Variants in SNAP25 observed in about 807,000 individuals in gnomAD.
SNAP25 encodes the protein synaptosome associated protein 25.
A neutral mutation model predicts 28.7 loss-of-function variants in SNAP25; 3 were observed. That is an observed-to-expected ratio of 0.10 (90% CI 0.05 to 0.27). The LOEUF (loss-of-function observed/expected upper bound fraction) is 0.27, where lower values mean the gene tolerates loss of function less well. SNAP25 is among the 10% of genes least tolerant of loss of function. SNAP25 has a pLI of 1.00. For missense variants in SNAP25, 117 were observed against 278.7 expected (o/e 0.42, Z 4.13); for synonymous variants, 61 against 88.1 (o/e 0.69, Z 1.72).
intron 1 of SNAP25, among the ~76,000 whole-genome samples, chr20:10,226,989 A>C (rs989295939): frequency 1.3e-5 from 2 of 152,076 alleles, no homozygotes; most frequent in Non-Finnish European, 1.5e-5. Flanking sequence ...CCCAACTCCA[A>C]AACTCATGGA....
In SNAP25 at chr20:10,288,639, G is replaced by A. The variant is rs142082419; in HGVS notation, c.163+3867G>A. Among the ~76,000 whole-genome samples, 602 of 152,184 alleles carry A rather than the reference G, an allele frequency of 4.0e-3. 5 individuals are homozygous for A. The highest frequency in any genetic ancestry group is 0.014 in the African/African-American group (573 of 41,502). On this transcript the variant is annotated intron_variant, in intron 4 of 7. Transcript: ENST00000254976. Reference sequence around the variant, plus strand: ...TCTCGGCTAAGACATTTCAATTATAGCCATACCACAGTAAATGCTGAATTC... The same window carrying A: ...TCTCGGCTAAGACATTTCAATTATAACCATACCACAGTAAATGCTGAATTC...
At chr20:10,275,068 TTTAA>T (rs1161643465) in intron 1 of SNAP25, among the ~76,000 whole-genome samples, 18 of 63,482 alleles carry the variant, frequency 2.8e-4, no homozygotes, top group African/African-American at 8.5e-4. Context: ...AATAGAGCTA[TTTAA>T]ATAAATAAAT....
chr20:10,258,330 A>T (rs1410778760), intron 1 of SNAP25, among the ~76,000 whole-genome samples: 1 of 152,204 alleles, frequency 6.6e-6, no homozygotes, highest in Non-Finnish European at 1.5e-5. Flanking sequence ...TCTCTCATTA[A>T]TGAGTTAATA....
Position 10,299,374 on chromosome 20 carries a change from G to A in SNAP25, c.514G>A (p.Asp172Asn), listed in dbSNP as rs763898355. The A allele has an allele frequency of 6.2e-6, 10 of 1,613,876 alleles. No homozygotes were observed. The highest frequency in any genetic ancestry group is 3.3e-5 in the Admixed American group (2 of 59,978). The change falls in exon 7 of 8, where the codon GAT (aspartate) becomes AAT (asparagine). Residue 172 changes from aspartate (D) to asparagine (N), a missense_variant. By Grantham distance (23) the Asp-to-Asn change is conservative. Transcript: ENST00000254976. ...GGCCCTGGATATGGGCAATGAGATCGATACACAGAATCGCCAGATCGACAG... is the reference window on the plus strand; with the variant it reads ...GGCCCTGGATATGGGCAATGAGATCAATACACAGAATCGCCAGATCGACAG... ...HMALDMGNEI[D>N]TQNRQIDRIM...
At chr20:10,305,910 T>A (rs1271772515) in intron 7 of SNAP25, among the ~76,000 whole-genome samples, 1 of 151,638 alleles carries the variant, frequency 6.6e-6, no homozygotes, top group Non-Finnish European at 1.5e-5. Context: ...AAAAAATATA[T>A]TCGTTCATTA....
intron 4 of SNAP25, among the ~76,000 whole-genome samples, chr20:10,292,597 G>T (rs752227316): frequency 6.6e-6 from 1 of 152,112 alleles, no homozygotes; most frequent in Non-Finnish European, 1.5e-5. Context: ...ACTGGTGCCT[G>T]AGTAAGCGAA....
At chr20:10,267,204 T>C (rs1241231081) in intron 1 of SNAP25, among the ~76,000 whole-genome samples, 1 of 151,968 alleles carries the variant, frequency 6.6e-6, no homozygotes, top group Non-Finnish European at 1.5e-5. Flanking sequence ...ACAAAGAACA[T>C]ACTATATGAC....
chr20:10,237,756 T>C (rs1600660112), intron 1 of SNAP25, among the ~76,000 whole-genome samples: 1 of 152,320 alleles, frequency 6.6e-6, no homozygotes, highest in East Asian at 1.9e-4. Flanking sequence ...GTAAATTATC[T>C]TAAGTCCCTC....
chr20:10,247,789 TACTC>T (rs2063155586), intron 1 of SNAP25, among the ~76,000 whole-genome samples: 1 of 152,206 alleles, frequency 6.6e-6, no homozygotes. Context: ...TTTTGAGACA[TACTC>T]AGTAGGTCAG....
Position 10,252,352 on chromosome 20 carries a change from T to C in SNAP25, c.-63-23077T>C, listed in dbSNP as rs1300184761. ...TTGTTTAATTGGGTTCAAAACTGATTAATGCCCTCCAGGCCATACAACTAC... is the reference window on the plus strand; with the variant it reads ...TTGTTTAATTGGGTTCAAAACTGATCAATGCCCTCCAGGCCATACAACTAC... On this transcript the variant is annotated intron_variant, in intron 1 of 7. Transcript: ENST00000254976. Among the ~76,000 whole-genome samples, 4 of 152,150 alleles carry C rather than the reference T, an allele frequency of 2.6e-5. No homozygotes were observed. In the East Asian group the frequency reaches 7.7e-4, roughly 29 times the overall value.
chr20:10,223,823 C>T (rs2062679852), intron 1 of SNAP25, among the ~76,000 whole-genome samples: 1 of 152,150 alleles, frequency 6.6e-6, no homozygotes, highest in African/African-American at 2.4e-5. Flanking sequence ...AAGCACTTCA[C>T]CCAATATGAA....
rs57690835 is a variant in SNAP25 at position 10,263,009 on chromosome 20, C to CTTTTTTTTTTTTTTT, written c.-63-12407_-63-12393dup. ...TCAGGCGAAGCAACCCTGGGGTGCTCTTTTTTTTTTTTTTTTTTTTTTTTT... is the reference window on the plus strand; with the variant it reads ...TCAGGCGAAGCAACCCTGGGGTGCTCTTTTTTTTTTTTTTTTTTTTTTTTTTTTTTTTTTTTTTTT... On this transcript the variant is annotated intron_variant, in intron 1 of 7. Coordinates refer to ENST00000254976, the MANE Select transcript of SNAP25 (RefSeq NM_130811.4). 3.9e-5 allele frequency among the ~76,000 whole-genome samples: 2 copies of CTTTTTTTTTTTTTTT among 50,634 alleles called. 1 individual carries two copies. The highest frequency in any genetic ancestry group is 2.9e-3 in the South Asian group (2 of 678). 33.2% of individuals were successfully genotyped at this position (50,634 alleles called of 152,430 possible). A position where few individuals can be genotyped will look rare whatever the true frequency, so the allele number is the denominator to read the frequency against.
At chr20:10,278,000 C>A in intron 3 of SNAP25, 1 of 321,220 alleles carries the variant, frequency 3.1e-6, no homozygotes, top group Non-Finnish European at 5.6e-6. Flanking sequence ...CTCAAGAAAT[C>A]ACAGACGATT....
chr20:10,299,344 C>G lies in SNAP25; in HGVS notation c.484C>G (p.His162Asp). 6.2e-7 allele frequency: 1 copy of G among 1,614,100 alleles called. No individual in the cohort carries two copies. Among genetic ancestry groups the G allele is most frequent in the Non-Finnish European group, 8.5e-7 (1 of 1,180,018 alleles). Residue 162 changes from histidine to aspartate, a missense_variant, in exon 7 of 8, where the codon CAC becomes GAC. Physicochemically the swap from His to Asp is moderately conservative, Grantham distance 81. Coordinates refer to ENST00000254976, the MANE Select transcript of SNAP25 (RefSeq NM_130811.4). ...GAGCGGCATCATCGGGAACCTCCGT[C>G]ACATGGCCCTGGATATGGGCAATGA... ...QVSGIIGNLR[H>D]MALDMGNEID...
chr20:10,263,144 G>A (rs377488083), intron 1 of SNAP25, among the ~76,000 whole-genome samples: 1 of 147,602 alleles, frequency 6.8e-6, no homozygotes, highest in Non-Finnish European at 1.5e-5. Flanking sequence ...TCAGCCACCC[G>A]AGTAGCTGGA....
intron 1 of SNAP25, among the ~76,000 whole-genome samples, chr20:10,245,871 ATCTTGTCACCATATAAAATTATCTTT>A (rs2063118154): frequency 6.6e-6 from 1 of 152,208 alleles, no homozygotes; most frequent in Non-Finnish European, 1.5e-5. Context: ...CCTTTGTCCC[ATCTTGTCACCATATAAAATTATCTTT>A]CTACCTCCAA....
chr20:10,299,980 T>C (rs1390148886), intron 7 of SNAP25, among the ~76,000 whole-genome samples: 1 of 152,240 alleles, frequency 6.6e-6, no homozygotes, highest in Non-Finnish European at 1.5e-5. Flanking sequence ...GACATGATTA[T>C]GAGCTTTGCT....
At chr20:10,234,504 C>G (rs75372115) in intron 1 of SNAP25, among the ~76,000 whole-genome samples, 8,556 of 152,314 alleles carry the variant, frequency 0.056, 263 homozygotes, top group African/African-American at 0.08. Flanking sequence ...CTCCAATTTG[C>G]CGCAAAGCCT....
intron 1 of SNAP25, among the ~76,000 whole-genome samples, chr20:10,272,349 C>G (rs2063610274): frequency 6.6e-6 from 1 of 152,206 alleles, no homozygotes; most frequent in Admixed American, 6.5e-5. Context: ...CACCCAGCTT[C>G]TGAGCGCCAG....
Sources: allele counts gnomAD v4.1 joint callset (sites outside exome capture counted in the v4.1 genomes callset), GRCh38; gene constraint gnomAD v4.1.1; transcripts MANE v1.5; gene names NCBI Gene and HGNC (gene_info 2026-07-23, HGNC 2026-07-21).